The following HCRTR2 variants were observed in gnomAD, a reference collection of about 807,000 sequenced individuals.
HCRTR2 encodes hypocretin receptor 2, also known as orexin receptor type 2.
Under a neutral mutation model 49.0 loss-of-function variants are expected in HCRTR2, and 22 were observed. The observed-to-expected ratio is 0.45, with a 90% CI of 0.32 to 0.64. The LOEUF is 0.64. Ranked by LOEUF, HCRTR2 falls within the 30% of genes least tolerant of loss-of-function variation. The pLI is 0.04. For synonymous variants in HCRTR2, 236 were observed against 205.3 expected (o/e 1.15, Z -1.28); for missense variants, 491 against 559.4 (o/e 0.88, Z 1.23).
chr6:55,189,330 A>T (rs1765277129), intron 1 of HCRTR2, among the ~76,000 whole-genome samples: 1 of 152,106 alleles, frequency 6.6e-6, no homozygotes, highest in Non-Finnish European at 1.5e-5. Flanking sequence ...GCCTGTTGAG[A>T]CTCTTCAGGG....
chr6:55,217,277 C>T (rs1765804921), intron 1 of HCRTR2, among the ~76,000 whole-genome samples: 2 of 152,088 alleles, frequency 1.3e-5, no homozygotes, highest in Non-Finnish European at 1.5e-5. Context: ...CATCTGACTC[C>T]CTTCTATCAG....
chr6:55,186,188 A>G (rs1765213688), intron 1 of HCRTR2, among the ~76,000 whole-genome samples: 1 of 152,238 alleles, frequency 6.6e-6, no homozygotes, highest in South Asian at 2.1e-4. Context: ...TGCCGAGAAC[A>G]GGTTCAGGAA....
At chr6:55,220,339 C>T (rs1460635620) in intron 1 of HCRTR2, among the ~76,000 whole-genome samples, 2 of 152,098 alleles carry the variant, frequency 1.3e-5, no homozygotes, top group Admixed American at 6.5e-5. Flanking sequence ...TTCAACAGTG[C>T]ATTAAAAGGA....
chr6:55,125,415 T>A (rs1361231991), intron 1 of HCRTR2, among the ~76,000 whole-genome samples: 1 of 152,250 alleles, frequency 6.6e-6, no homozygotes, highest in East Asian at 1.9e-4. Context: ...GAAAATGCTT[T>A]TCTTTAAGGA....
chr6:55,129,054 G>A (rs995179792), intron 1 of HCRTR2, among the ~76,000 whole-genome samples: 1 of 151,922 alleles, frequency 6.6e-6, no homozygotes, highest in Non-Finnish European at 1.5e-5. Context: ...TTTTATTTTG[G>A]TCGTCTCTTT....
At chr6:55,184,228 C>T (rs568664558) in intron 1 of HCRTR2, among the ~76,000 whole-genome samples, 5 of 152,268 alleles carry the variant, frequency 3.3e-5, no homozygotes, top group African/African-American at 7.2e-5. Context: ...TGCACCCAGG[C>T]GCAGGTTTTC....
At chr6:55,234,659 C>T (rs934207517) in intron 1 of HCRTR2, among the ~76,000 whole-genome samples, 3 of 151,966 alleles carry the variant, frequency 2.0e-5, no homozygotes, top group African/African-American at 7.3e-5. Context: ...GAATATCTAA[C>T]TCAAAAAGTG....
intron 1 of HCRTR2, among the ~76,000 whole-genome samples, chr6:55,240,065 C>T (rs1766295285): frequency 6.6e-6 from 1 of 151,878 alleles, no homozygotes; most frequent in Admixed American, 6.6e-5. Flanking sequence ...GTGTGAGCCA[C>T]CGCGCCCGGC....
rs1402605395 is a variant in HCRTR2, at chr6:55,245,503, A to ATATATATATC, written c.224-3133_224-3132insATATATCTAT. ...TATATATATATATATATATATATAT[A>ATATATATATC]TATCTTCCCCAAAAGTGTGCCTTGG... On this transcript the variant is annotated intron_variant, in intron 1 of 6. Coordinates refer to ENST00000370862, the MANE Select transcript of HCRTR2 (RefSeq NM_001384272.1). Among the ~76,000 whole-genome samples, 80 of 124,524 alleles carry ATATATATATC rather than the reference A, an allele frequency of 6.4e-4. 1 individual carries two copies. The highest frequency in any genetic ancestry group is 3.5e-3 in the South Asian group (14 of 4,024). 81.7% of individuals were successfully genotyped at this position (124,524 alleles called of 152,430 possible). A position where few individuals can be genotyped will look rare whatever the true frequency, so the allele number is the denominator to read the frequency against.
At chr6:55,267,062 C>T (rs1251073885) in intron 4 of HCRTR2, among the ~76,000 whole-genome samples, 1 of 152,058 alleles carries the variant, frequency 6.6e-6, no homozygotes, top group African/African-American at 2.4e-5. Context: ...CAGCTGAACT[C>T]ACTTTAGCAG....
intron 1 of HCRTR2, among the ~76,000 whole-genome samples, chr6:55,238,669 C>T (rs4074181): frequency 0.17 from 26,305 of 151,868 alleles, 2,772 homozygotes; most frequent in Non-Finnish European, 0.24. Flanking sequence ...TTCTGGTATG[C>T]AAAGTAGGAG....
upstream of HCRTR2, chr6:55,174,434 C>T (rs1256190150): frequency 4.2e-6 from 3 of 716,608 alleles, no homozygotes; most frequent in African/African-American, 3.5e-5. Flanking sequence ...CAGAAGACTC[C>T]GGAGGCATTG....
chr6:55,199,392 G>A (rs1405084777), intron 1 of HCRTR2, among the ~76,000 whole-genome samples: 3 of 151,956 alleles, frequency 2.0e-5, no homozygotes, highest in Non-Finnish European at 2.9e-5. Context: ...TGTAAATGGT[G>A]GTCTTCTGTC....
intron 1 of HCRTR2, among the ~76,000 whole-genome samples, chr6:55,242,333 T>C (rs1324670782): frequency 3.3e-5 from 5 of 151,980 alleles, no homozygotes; most frequent in Non-Finnish European, 5.9e-5. Flanking sequence ...AAACTGAAAC[T>C]CTTCACTCAT....
intron 1 of HCRTR2, among the ~76,000 whole-genome samples, chr6:55,226,008 G>A (rs1765996706): frequency 6.6e-6 from 1 of 152,136 alleles, no homozygotes; most frequent in African/African-American, 2.4e-5. Context: ...CTCCCTAGTT[G>A]GGCATCCCTG....
intron 1 of HCRTR2, among the ~76,000 whole-genome samples, chr6:55,117,099 T>C (rs1299608322): frequency 6.6e-6 from 1 of 151,836 alleles, no homozygotes; most frequent in Non-Finnish European, 1.5e-5. Flanking sequence ...GTCATGATAA[T>C]TATCTGAACT....
chr6:55,279,520 A>ACAC (rs1767146232), intron 5 of HCRTR2, among the ~76,000 whole-genome samples: 1 of 142,680 alleles, frequency 7.0e-6, no homozygotes, highest in African/African-American at 2.6e-5. Context: ...TTCTTGCTGT[A>ACAC]ACACACACAC....
chr6:55,139,050 T>A (rs975201406), intron 1 of HCRTR2, among the ~76,000 whole-genome samples: 1 of 152,134 alleles, frequency 6.6e-6, no homozygotes, highest in African/African-American at 2.4e-5. Context: ...ATTTCATTTG[T>A]GTCTGGAAGG....
intron 1 of HCRTR2, among the ~76,000 whole-genome samples, chr6:55,137,637 A>C (rs1764450456): frequency 2.0e-5 from 3 of 152,150 alleles, no homozygotes; most frequent in African/African-American, 7.2e-5. Flanking sequence ...GAAATCCAAG[A>C]GACAGTGTGA....
Sources: allele counts gnomAD v4.1 joint callset (sites outside exome capture counted in the v4.1 genomes callset), GRCh38; gene constraint gnomAD v4.1.1; transcripts MANE v1.5; gene names NCBI Gene and HGNC (gene_info 2026-07-23, HGNC 2026-07-21).